Variants in KCND2 observed in about 807,000 individuals in gnomAD.
KCND2 encodes potassium voltage-gated channel subfamily D member 2, also known as A-type voltage-gated potassium channel KCND2.
KCND2 carries 16 observed loss-of-function variants against 54.4 expected under a neutral mutation model. That is an observed-to-expected ratio of 0.29 (90% CI 0.20 to 0.45). The LOEUF is 0.45. Ranked by LOEUF, KCND2 falls within the 20% of genes least tolerant of loss-of-function variation. The pLI, the probability that KCND2 is intolerant of heterozygous loss-of-function variation, is 1.00. For synonymous variants in KCND2, 317 were observed against 310.7 expected (o/e 1.02, Z -0.21); for missense variants, 486 against 824.2 (o/e 0.59, Z 5.02).
At chr7:120,663,878 C>T (rs1469819649) in intron 1 of KCND2, among the ~76,000 whole-genome samples, 1 of 152,130 alleles carries the variant, frequency 6.6e-6, no homozygotes, top group East Asian at 1.9e-4. Context: ...TTATTATATG[C>T]CACAGTTAAT....
chr7:120,510,713 T>A (rs1177670998), intron 1 of KCND2, among the ~76,000 whole-genome samples: 2 of 152,042 alleles, frequency 1.3e-5, no homozygotes, highest in African/African-American at 4.8e-5. Context: ...GCTGTGGGTA[T>A]ACTGATTTTT....
At chr7:120,639,500 C>T (rs895609588) in intron 1 of KCND2, among the ~76,000 whole-genome samples, 3 of 152,118 alleles carry the variant, frequency 2.0e-5, no homozygotes, top group African/African-American at 7.2e-5. Flanking sequence ...AACTCCACCC[C>T]CTGGGAAAAA....
intron 1 of KCND2, among the ~76,000 whole-genome samples, chr7:120,560,406 A>G (rs151013763): frequency 8.5e-5 from 13 of 152,214 alleles, no homozygotes; most frequent in Non-Finnish European, 1.8e-4. Flanking sequence ...CAATGAAATA[A>G]TCAGACGGAA....
At chr7:120,464,055 T>C (rs375795247) in intron 1 of KCND2, 5 of 984,806 alleles carry the variant, frequency 5.1e-6, no homozygotes, top group East Asian at 1.1e-4. Flanking sequence ...CCTTTTGCTT[T>C]CCAGAAGAGC....
intron 1 of KCND2, among the ~76,000 whole-genome samples, chr7:120,349,489 G>A (rs1414534958): frequency 6.6e-6 from 1 of 152,114 alleles, no homozygotes; most frequent in African/African-American, 2.4e-5. Context: ...TAGAGTTTCT[G>A]ATAATATCCT....
At chr7:120,747,355 C>G (rs917998657) in intron 5 of KCND2, among the ~76,000 whole-genome samples, 22 of 152,106 alleles carry the variant, frequency 1.4e-4, no homozygotes, top group Non-Finnish European at 2.9e-4. Flanking sequence ...TCTCAGAGGT[C>G]TGTCTTAAAT....
intron 1 of KCND2, among the ~76,000 whole-genome samples, chr7:120,524,331 G>C (rs1272123385): frequency 2.0e-5 from 3 of 152,058 alleles, no homozygotes; most frequent in Admixed American, 2.0e-4. Context: ...GAGTCTGATA[G>C]CAAAATAAAA....
At chr7:120,695,547 A>G (rs2116608863) in intron 1 of KCND2, among the ~76,000 whole-genome samples, 1 of 152,276 alleles carries the variant, frequency 6.6e-6, no homozygotes, top group East Asian at 1.9e-4. Flanking sequence ...GGTTAGATTT[A>G]AATTAGTGTG....
At chr7:120,583,044 T>TA (rs1417664926) in intron 1 of KCND2, among the ~76,000 whole-genome samples, 9 of 152,096 alleles carry the variant, frequency 5.9e-5, no homozygotes, top group African/African-American at 2.2e-4. Context: ...ACAGAAAGTA[T>TA]ATTGTACACT....
intron 1 of KCND2, among the ~76,000 whole-genome samples, chr7:120,525,995 T>C (rs1791768304): frequency 6.6e-6 from 1 of 152,138 alleles, no homozygotes; most frequent in Non-Finnish European, 1.5e-5. Context: ...TCCTTCCCTC[T>C]TTACAAGTGA....
At chr7:120,538,379 A>C (rs77769080) in intron 1 of KCND2, among the ~76,000 whole-genome samples, 4,064 of 152,294 alleles carry the variant, frequency 0.027, 161 homozygotes, top group African/African-American at 0.091. Context: ...AATATTTTAA[A>C]ATTTATAATG....
chr7:120,326,158 A>G (rs995307020), intron 1 of KCND2, among the ~76,000 whole-genome samples: 7 of 152,126 alleles, frequency 4.6e-5, no homozygotes, highest in Admixed American at 3.3e-4. Flanking sequence ...AACAGTTTGT[A>G]TATTAAATAT....
intron 1 of KCND2, among the ~76,000 whole-genome samples, chr7:120,694,133 T>C (rs1211437018): frequency 2.6e-5 from 4 of 152,218 alleles, no homozygotes; most frequent in Non-Finnish European, 2.9e-5. Flanking sequence ...TGACAAGCCA[T>C]GTTGATGCCT....
chr7:120,479,217 A>G lies in KCND2; in HGVS notation c.1115+203470A>G, dbSNP rs1166245708. ...TAACTTTTTAACTAAGAAGCTTACA[A>G]TGTGTCCTCCGCTACCTTGGGATTT... On this transcript the variant is annotated intron_variant, in intron 1 of 5. Transcript: ENST00000331113. Among the ~76,000 whole-genome samples, 4 of 152,144 alleles carry G rather than the reference A, an allele frequency of 2.6e-5. No individual in the cohort carries two copies. The South Asian group carries it at 6.2e-4, about 24-fold the overall frequency.
At chr7:120,419,947 C>CT (rs894739611) in intron 1 of KCND2, among the ~76,000 whole-genome samples, 23 of 144,150 alleles carry the variant, frequency 1.6e-4, no homozygotes, top group Admixed American at 1.1e-3. Flanking sequence ...TTTTTTCTTT[C>CT]TTTTTTTTTC....
At chr7:120,738,483 C>T (rs571898411) in intron 2 of KCND2, among the ~76,000 whole-genome samples, 3 of 152,058 alleles carry the variant, frequency 2.0e-5, no homozygotes, top group Admixed American at 6.6e-5. Flanking sequence ...AATACCATCA[C>T]CATTTAAGGC....
chr7:120,677,544 TATAGATATATAG>T (rs1443863339), intron 1 of KCND2, among the ~76,000 whole-genome samples: 6 of 134,630 alleles, frequency 4.5e-5, no homozygotes, highest in African/African-American at 1.7e-4. Flanking sequence ...TAGATATAGA[TATAGATATATAG>T]ATATATAGAT....
At chr7:120,484,672 C>T (rs2041680) in intron 1 of KCND2, among the ~76,000 whole-genome samples, 41,776 of 150,224 alleles carry the variant, frequency 0.28, 8,486 homozygotes, top group African/African-American at 0.56. Context: ...ACATTCCTAT[C>T]TTAAGATTCA....
chr7:120,319,671 G>A lies in KCND2; in HGVS notation c.1115+43924G>A, dbSNP rs73722565. 4.8e-3 allele frequency among the ~76,000 whole-genome samples: 736 copies of A among 151,900 alleles called. 7 individuals carry two copies. Among genetic ancestry groups the A allele is most frequent in the African/African-American group, 0.017 (693 of 41,448 alleles). On this transcript the variant is annotated intron_variant, in intron 1 of 5. Transcript: ENST00000331113. Reference sequence around the variant, plus strand: ...ACAACACAGTAATTTCAAACATTTCGGAATCATTTCAAAAATATTGTTAAG... The same window carrying A: ...ACAACACAGTAATTTCAAACATTTCAGAATCATTTCAAAAATATTGTTAAG...
Sources: allele counts gnomAD v4.1 joint callset (sites outside exome capture counted in the v4.1 genomes callset), GRCh38; gene constraint gnomAD v4.1.1; transcripts MANE v1.5; gene names NCBI Gene and HGNC (gene_info 2026-07-23, HGNC 2026-07-21).